CNTN4: variants seen among roughly 807,000 people sequenced by gnomAD.
CNTN4 encodes contactin-4.
Under a neutral mutation model 122.5 loss-of-function variants are expected in CNTN4, and 77 were observed. That is an observed-to-expected ratio of 0.63 (90% CI 0.52 to 0.76). The LOEUF is 0.76. Among genes scored for constraint, CNTN4 ranks in the 30% least tolerant of loss-of-function variants. The pLI, the probability that CNTN4 is intolerant of heterozygous loss-of-function variation, is 0.00. For synonymous variants in CNTN4, 512 were observed against 447.0 expected (o/e 1.15, Z -1.83); for missense variants, 1,256 against 1,259.1 (o/e 1.00, Z 0.04).
chr3:2,978,943 C>A (rs1040721724), intron 13 of CNTN4, among the ~76,000 whole-genome samples: 1 of 135,542 alleles, frequency 7.4e-6, no homozygotes, highest in Non-Finnish European at 1.5e-5. Flanking sequence ...ATAAAGAAAG[C>A]GATTTATTCC....
At chr3:2,653,944 A>C (rs2150219808) in intron 4 of CNTN4, among the ~76,000 whole-genome samples, 1 of 152,338 alleles carries the variant, frequency 6.6e-6, no homozygotes, top group African/African-American at 2.4e-5. Context: ...AGCAGCTAGA[A>C]AACAGTAAGT....
intron 14 of CNTN4, among the ~76,000 whole-genome samples, chr3:3,001,514 T>C (rs1696044375): frequency 6.6e-6 from 1 of 152,190 alleles, no homozygotes; most frequent in Admixed American, 6.5e-5. Flanking sequence ...CCCACAGACT[T>C]GTATTGTTTG....
intron 3 of CNTN4, among the ~76,000 whole-genome samples, chr3:2,565,859 A>G (rs1346053019): frequency 6.6e-6 from 1 of 152,038 alleles, no homozygotes; most frequent in Non-Finnish European, 1.5e-5. Context: ...GAAACTCTCA[A>G]CTCTACAGAT....
chr3:2,981,523 T>C (rs1694017352), intron 13 of CNTN4, among the ~76,000 whole-genome samples: 2 of 151,904 alleles, frequency 1.3e-5, no homozygotes. Context: ...TTAACTCCTG[T>C]ATCACTATCC....
intron 3 of CNTN4, among the ~76,000 whole-genome samples, chr3:2,517,186 CA>C (rs2077063304): frequency 6.6e-6 from 1 of 152,152 alleles, no homozygotes; most frequent in Non-Finnish European, 1.5e-5. Flanking sequence ...CTGGCTGACA[CA>C]CTTTAACAAT....
chr3:2,937,359 G>T (rs967872876), intron 13 of CNTN4, among the ~76,000 whole-genome samples: 6 of 152,100 alleles, frequency 3.9e-5, no homozygotes, highest in African/African-American at 1.4e-4. Flanking sequence ...GAGCCCAAGG[G>T]AGCTTTAAAT....
chr3:2,414,230 A>C (rs2047332109), intron 3 of CNTN4, among the ~76,000 whole-genome samples: 1 of 152,154 alleles, frequency 6.6e-6, no homozygotes, highest in South Asian at 2.1e-4. Context: ...TTATTTATGT[A>C]AGTGTTTCAT....
chr3:2,635,744 G>T (rs1360662101), intron 4 of CNTN4, among the ~76,000 whole-genome samples: 1 of 152,100 alleles, frequency 6.6e-6, no homozygotes, highest in East Asian at 1.9e-4. Flanking sequence ...GATGTTTATG[G>T]TTTCTTTAGA....
At chr3:2,099,053 T>TG (rs1024407920) in intron 1 of CNTN4, 75 bp downstream of exon 1, 67 of 151,782 alleles carry the variant, frequency 4.4e-4, no homozygotes, top group South Asian at 6.3e-4. Context: ...GTCGCGGGTG[T>TG]GGGGGGGAAA....
intron 14 of CNTN4, among the ~76,000 whole-genome samples, chr3:3,010,249 A>T (rs1395313454): frequency 6.6e-6 from 1 of 152,030 alleles, no homozygotes; most frequent in Non-Finnish European, 1.5e-5. Context: ...GATTTTAAAC[A>T]GCATCTTCCA....
chr3:2,344,841 C>T (rs544681242), intron 3 of CNTN4, among the ~76,000 whole-genome samples: 20 of 152,282 alleles, frequency 1.3e-4, no homozygotes, highest in Middle Eastern at 6.8e-3. Flanking sequence ...AAATATTAGG[C>T]TATCACATTA....
At chr3:2,264,914 G>T (rs551253005) in intron 2 of CNTN4, among the ~76,000 whole-genome samples, 20 of 152,106 alleles carry the variant, frequency 1.3e-4, no homozygotes, top group African/African-American at 4.8e-4. Context: ...TTTGTTACAT[G>T]AATAAGTTCT....
chr3:2,332,456 C>A lies in CNTN4; in HGVS notation c.-144-6722C>A, dbSNP rs2043770806. Among the ~76,000 whole-genome samples the A allele has an allele frequency of 2.0e-5, 3 of 152,016 alleles. No homozygotes were observed. The South Asian group carries it at 6.2e-4, about 32-fold the overall frequency. ...TAACTCTGAGAAGAGTTTTTATTCACCCATTTGATTAGAAACAGAGACTTA... is the reference window on the plus strand; with the variant it reads ...TAACTCTGAGAAGAGTTTTTATTCAACCATTTGATTAGAAACAGAGACTTA... On this transcript the variant is annotated intron_variant, in intron 2 of 24. Coordinates refer to ENST00000418658, the MANE Select transcript of CNTN4 (RefSeq NM_175607.3).
intron 3 of CNTN4, among the ~76,000 whole-genome samples, chr3:2,569,379 T>C (rs2079320900): frequency 6.6e-6 from 1 of 152,186 alleles, no homozygotes; most frequent in Non-Finnish European, 1.5e-5. Context: ...TTGCTCACAG[T>C]GTTTTTCTTA....
intron 3 of CNTN4, among the ~76,000 whole-genome samples, chr3:2,393,878 C>T (rs967529298): frequency 1.3e-5 from 2 of 152,028 alleles, no homozygotes; most frequent in Non-Finnish European, 2.9e-5. Flanking sequence ...CCATCATTGT[C>T]ACTGCTCTTG....
intron 2 of CNTN4, among the ~76,000 whole-genome samples, chr3:2,129,659 G>A (rs1195753881): frequency 6.6e-6 from 1 of 151,640 alleles, no homozygotes; most frequent in East Asian, 2.0e-4. Flanking sequence ...TCTTCACCCT[G>A]TTATTAAAGT....
rs6774885 is a variant in CNTN4, at chr3:2,416,246, A to G, written c.-89+77013A>G. On this transcript the variant is annotated intron_variant, in intron 3 of 24. Transcript: ENST00000418658. ...CCTGCATCCTCCATAAAAGAATAGG[A>G]TTCTTAAATTTGATGTTTAATAGAT... Among the ~76,000 whole-genome samples the G allele has an allele frequency of 4.9e-3, 745 of 152,214 alleles. 5 individuals carry two copies. The highest frequency in any genetic ancestry group is 0.017 in the African/African-American group (712 of 41,542).
intron 4 of CNTN4, among the ~76,000 whole-genome samples, chr3:2,730,929 T>C (rs1189658049): frequency 6.6e-6 from 1 of 151,552 alleles, no homozygotes; most frequent in East Asian, 1.9e-4. Context: ...GAAAAAAAAA[T>C]AGAGATCATT....
intron 2 of CNTN4, among the ~76,000 whole-genome samples, chr3:2,170,094 G>A (rs2036414994): frequency 1.3e-5 from 2 of 151,904 alleles, no homozygotes; most frequent in South Asian, 2.1e-4. Context: ...GGCCGAGGCG[G>A]GAGGATCACA....
Sources: allele counts gnomAD v4.1 joint callset (sites outside exome capture counted in the v4.1 genomes callset), GRCh38; gene constraint gnomAD v4.1.1; transcripts MANE v1.5; gene names NCBI Gene and HGNC (gene_info 2026-07-23, HGNC 2026-07-21).